SPPL2A: variants seen among roughly 807,000 people sequenced by gnomAD.
The protein encoded by SPPL2A is signal peptide peptidase like 2A.
Under a neutral mutation model 63.8 loss-of-function variants are expected in SPPL2A, and 51 were observed. That is an observed-to-expected ratio of 0.80 (90% CI 0.64 to 1.01). The LOEUF is 1.01. Among genes scored for constraint, SPPL2A ranks in the 50% least tolerant of loss-of-function variants. The pLI is 0.00. For missense variants in SPPL2A, 553 were observed against 622.7 expected (o/e 0.89, Z 1.19); for synonymous variants, 188 against 205.8 (o/e 0.91, Z 0.74).
intron 8 of SPPL2A, among the ~76,000 whole-genome samples, chr15:50,734,201 T>C (rs193108630): frequency 4.6e-5 from 7 of 152,324 alleles, no homozygotes; most frequent in Non-Finnish European, 1.5e-5. Flanking sequence ...CTCTCATGTT[T>C]ATTGCAGCAC....
intron 1 of SPPL2A, among the ~76,000 whole-genome samples, chr15:50,755,501 G>T (rs549019982): frequency 2.0e-5 from 3 of 151,488 alleles, no homozygotes; most frequent in Non-Finnish European, 4.4e-5. Flanking sequence ...TGTACCTATA[G>T]TCTCAGCTAC....
intron 1 of SPPL2A, among the ~76,000 whole-genome samples, chr15:50,764,913 CAAA>C (rs34049728): frequency 6.9e-6 from 1 of 144,446 alleles, no homozygotes. Context: ...ACCCCCCCTC[CAAA>C]AAAAAAAAAC....
In SPPL2A at chr15:50,703,848, A is replaced by G. The variant is rs2062493071; in HGVS notation, c.*3952T>C. The G allele has an allele frequency of 6.6e-6, 1 of 152,162 alleles. No individual in the cohort carries two copies. Among genetic ancestry groups the G allele is most frequent in the African/African-American group, 2.4e-5 (1 of 41,438 alleles). 9.4% of individuals were successfully genotyped at this position (152,162 alleles called of 1,614,324 possible). On this transcript the variant is annotated 3_prime_UTR_variant, in exon 15 of 15. Transcript: ENST00000261854. ...CCACAATTTTTAAAAATGTAAAAATAGTAATTTTTGCTTATACTAAAGCAT... is the reference window on the plus strand; with the variant it reads ...CCACAATTTTTAAAAATGTAAAAATGGTAATTTTTGCTTATACTAAAGCAT...
In SPPL2A at chr15:50,702,713, A is replaced by T. The variant is rs889241994; in HGVS notation, c.*5087T>A. 1.3e-5 allele frequency: 2 copies of T among 152,252 alleles called. No individual in the cohort carries two copies. The highest frequency in any genetic ancestry group is 2.9e-5 in the Non-Finnish European group (2 of 68,034). The allele number at this position is 152,252 out of a possible 1,614,324, so 9.4% of individuals were successfully genotyped here. On this transcript the variant is annotated 3_prime_UTR_variant, in exon 15 of 15. Coordinates refer to ENST00000261854, the MANE Select transcript of SPPL2A (RefSeq NM_032802.4). ...TTTTTATGCCTAATCAAAGAACCAC[A>T]TAATGACATTTTGTGGGTTGCTCCT...
chr15:50,756,843 T>C (rs555351712), intron 1 of SPPL2A, among the ~76,000 whole-genome samples: 4 of 152,296 alleles, frequency 2.6e-5, no homozygotes, highest in Admixed American at 1.3e-4. Flanking sequence ...GGACTAGAAC[T>C]GGGCTCTCTA....
chr15:50,732,794 CTTT>C, intron 8 of SPPL2A, 110 bp from the exon 9 acceptor site: 9 of 547,722 alleles, frequency 1.6e-5, no homozygotes, highest in Middle Eastern at 3.4e-4. Context: ...TTGACTATTC[CTTT>C]TTTTTTTTTA....
chr15:50,703,399 G>A lies in SPPL2A; in HGVS notation c.*4401C>T, dbSNP rs2062490983. 1.8e-5 allele frequency: 2 copies of A among 110,778 alleles called. No homozygotes were observed. The highest frequency in any genetic ancestry group is 1.7e-5 in the Non-Finnish European group (1 of 59,760). The allele number at this position is 110,778 out of a possible 1,614,324, so 6.9% of individuals were successfully genotyped here. A position where few individuals can be genotyped will look rare whatever the true frequency, so the allele number is the denominator to read the frequency against. On this transcript the variant is annotated 3_prime_UTR_variant, in exon 15 of 15. Coordinates refer to ENST00000261854, the MANE Select transcript of SPPL2A (RefSeq NM_032802.4). ...TTTTTTTGAGATGGAGTCTCGCTCT[G>A]TCGCCCAGGCTGGAGTGCAGTGGTG...
At chr15:50,746,234 T>C (rs2062855978) in intron 5 of SPPL2A, among the ~76,000 whole-genome samples, 1 of 151,494 alleles carries the variant, frequency 6.6e-6, no homozygotes, top group Admixed American at 6.6e-5. Context: ...GGTCAAGAGA[T>C]CAAGACCATC....
chr15:50,746,122 G>A (rs991013189), intron 5 of SPPL2A, among the ~76,000 whole-genome samples: 6 of 150,814 alleles, frequency 4.0e-5, no homozygotes, highest in Admixed American at 6.6e-5. Flanking sequence ...CAATTTATCC[G>A]TGACTTTATA....
At chr15:50,733,271 G>A (rs1389745272) in intron 8 of SPPL2A, among the ~76,000 whole-genome samples, 3 of 152,074 alleles carry the variant, frequency 2.0e-5, no homozygotes, top group Non-Finnish European at 4.4e-5. Context: ...ACCTGAAGCT[G>A]CATAAAGCTG....
intron 12 of SPPL2A, among the ~76,000 whole-genome samples, chr15:50,722,684 T>A (rs147326432): frequency 0.017 from 2,572 of 152,332 alleles, 29 homozygotes; most frequent in African/African-American, 0.03. Flanking sequence ...CTCGATCTCC[T>A]GACCTCGTGA....
chr15:50,706,382 T>C lies in SPPL2A; in HGVS notation c.*1418A>G, dbSNP rs1216825786. On this transcript the variant is annotated 3_prime_UTR_variant, in exon 15 of 15. Coordinates refer to ENST00000261854, the MANE Select transcript of SPPL2A (RefSeq NM_032802.4). ...TCCAGCCTGGGCGACAGAGCGAGAC[T>C]CCGTCTCAAAAAAAAAAAAAAAAAA... The C allele has an allele frequency of 1.1e-5, 1 of 92,196 alleles. No homozygotes were observed. The highest frequency in any genetic ancestry group is 4.0e-5 in the African/African-American group (1 of 24,792). The allele number at this position is 92,196 out of a possible 1,614,324, so 5.7% of individuals were successfully genotyped here.
Position 50,720,045 on chromosome 15 carries a change from C to T in SPPL2A, c.1383G>A (p.Gly461=). 1 of 1,613,592 alleles carries T rather than the reference C, an allele frequency of 6.2e-7. No individual in the cohort carries two copies. The change falls in exon 14 of 15, where the codon GGG becomes GGA. Residue 461 remains glycine (G), a synonymous_variant. Coordinates refer to ENST00000261854, the MANE Select transcript of SPPL2A (RefSeq NM_032802.4). The stretch of plus-strand genomic sequence containing the variant: ...GTACTAAATAGAGGAGAGCAGGTTG[C>T]CCCTTTTTCATCAGCACCAGAACAA... The part of the protein sequence containing the change: ...TFVVLVLMKK[G]QPALLYLVPC...
At chr15:50,758,938 T>A (rs1436378670) in intron 1 of SPPL2A, among the ~76,000 whole-genome samples, 1 of 151,662 alleles carries the variant, frequency 6.6e-6, no homozygotes, top group African/African-American at 2.4e-5. Flanking sequence ...ATCTACAGGA[T>A]CTCACTCTAT....
chr15:50,764,423 T>C (rs747025600), intron 1 of SPPL2A: 2 of 152,218 alleles, frequency 1.3e-5, no homozygotes, highest in African/African-American at 2.4e-5. Flanking sequence ...AAGTTATGAA[T>C]ACACCAAAAG....
In SPPL2A at chr15:50,749,725, A is replaced by T; in HGVS notation, c.88T>A (p.Leu30Met). The part of the protein sequence containing the change: ...LQLTAAQEAI[L>M]HASGNGTTKD... ...GTTGTGCCATTTCCAGACGCATGCA[A>T]GATTGCTTCCTGAGCGGCTGTCTAG... is the stretch of plus-strand genomic sequence containing the variant. Residue 30 changes from leucine to methionine, a missense_variant, in exon 2 of 15, where the codon TTG becomes ATG. Coordinates refer to ENST00000261854, the MANE Select transcript of SPPL2A (RefSeq NM_032802.4). 3 of 1,613,250 alleles carry T rather than the reference A, an allele frequency of 1.9e-6. No homozygotes were observed. Among genetic ancestry groups the T allele is most frequent in the Non-Finnish European group, 1.7e-6 (2 of 1,179,132 alleles).
chr15:50,731,448 A>G (rs1470334566), intron 9 of SPPL2A, among the ~76,000 whole-genome samples: 1 of 152,082 alleles, frequency 6.6e-6, no homozygotes, highest in Non-Finnish European at 1.5e-5. Context: ...CAGGAGGCTG[A>G]GGCAGGAGAA....
intron 5 of SPPL2A, among the ~76,000 whole-genome samples, chr15:50,744,065 G>C (rs1360972235): frequency 6.6e-6 from 1 of 151,944 alleles, no homozygotes; most frequent in Non-Finnish European, 1.5e-5. Context: ...TACAATCCCA[G>C]CTACTTGGGA....
rs766514624 is a variant in SPPL2A, at chr15:50,726,286, C to T, written c.1146+35G>A. 22 of 1,603,126 alleles carry T rather than the reference C, an allele frequency of 1.4e-5. No individual in the cohort carries two copies. The African/African-American group carries it at 2.8e-4, about 20-fold the overall frequency. ...TATTAACCGGATACACATACATACA[C>T]TGGATAGCCATTTCTATTTCATTGC... On this transcript the variant is annotated intron_variant, in intron 11 of 14. Transcript: ENST00000261854.
Sources: allele counts gnomAD v4.1 joint callset (sites outside exome capture counted in the v4.1 genomes callset), GRCh38; gene constraint gnomAD v4.1.1; transcripts MANE v1.5; gene names NCBI Gene and HGNC (gene_info 2026-07-23, HGNC 2026-07-21).